The following SCN9A variants were observed in gnomAD, a reference collection of about 807,000 sequenced individuals.
The protein encoded by SCN9A is sodium channel protein type 9 subunit alpha.
In SCN9A, 131 loss-of-function variants were observed where a neutral mutation model predicts 187.0. That is an observed-to-expected ratio of 0.70 (90% CI 0.61 to 0.81). The LOEUF (loss-of-function observed/expected upper bound fraction) is 0.81. SCN9A is among the 30% of genes least tolerant of loss of function. SCN9A has a pLI of 0.00. For missense variants in SCN9A, 2,252 were observed against 2,396.6 expected (o/e 0.94, Z 1.26); for synonymous variants, 809 against 808.6 (o/e 1.00, Z -0.01).
At chr2:166,356,682 A>G (rs995909757) in intron 1 of SCN9A, among the ~76,000 whole-genome samples, 38 of 152,212 alleles carry the variant, frequency 2.5e-4, no homozygotes, top group Non-Finnish European at 1.9e-4. Flanking sequence ...CAGCATGTAT[A>G]CATCTATTCA....
intron 18 of SCN9A, 98 bp downstream of exon 18, chr2:166,251,667 T>TA (rs1696042060): frequency 7.6e-7 from 1 of 1,319,574 alleles, no homozygotes; most frequent in Non-Finnish European, 1.1e-6. Context: ...AATGGAGTCT[T>TA]CTGACTTACC....
chr2:166,338,094 T>C (rs1304244908), intron 1 of SCN9A, among the ~76,000 whole-genome samples: 2 of 152,100 alleles, frequency 1.3e-5, no homozygotes, highest in African/African-American at 2.4e-5. Flanking sequence ...ATTCTCCTTG[T>C]ATGGGAGTCT....
At chr2:166,302,635 A>T (rs1698604264) in intron 7 of SCN9A, 1 of 150,870 alleles carries the variant, frequency 6.6e-6, no homozygotes, top group African/African-American at 2.4e-5. Flanking sequence ...TATATGATTA[A>T]TAGAACTTTA....
intron 24 of SCN9A, among the ~76,000 whole-genome samples, chr2:166,224,903 C>G (rs897305915): frequency 1.3e-5 from 2 of 152,138 alleles, no homozygotes; most frequent in African/African-American, 2.4e-5. Context: ...AATGAGGATA[C>G]TATGTCTTTT....
At chr2:166,290,343 C>T (rs1217688522) in intron 9 of SCN9A, among the ~76,000 whole-genome samples, 1 of 152,070 alleles carries the variant, frequency 6.6e-6, no homozygotes, top group Non-Finnish European at 1.5e-5. Flanking sequence ...TTGATTCCAT[C>T]TCTTTGCTAT....
intron 18 of SCN9A, among the ~76,000 whole-genome samples, chr2:166,245,181 CAA>C (rs1379583631): frequency 6.6e-6 from 1 of 151,752 alleles, no homozygotes; most frequent in African/African-American, 2.4e-5. Context: ...CCTATACATG[CAA>C]AAGTTTGGCA....
intron 9 of SCN9A, 110 bp downstream of exon 9, chr2:166,293,119 TAG>T: frequency 2.2e-6 from 2 of 893,426 alleles, no homozygotes; most frequent in East Asian, 2.7e-5. Flanking sequence ...AATAAGATAA[TAG>T]AGTTTCCTCC....
intron 1 of SCN9A, among the ~76,000 whole-genome samples, chr2:166,357,344 G>A (rs1700174207): frequency 6.6e-6 from 1 of 152,124 alleles, no homozygotes. Context: ...GTTACCTAGT[G>A]TAACGCCTAC....
intron 7 of SCN9A, among the ~76,000 whole-genome samples, chr2:166,295,806 A>C (rs1698274288): frequency 6.6e-6 from 1 of 152,224 alleles, no homozygotes; most frequent in Non-Finnish European, 1.5e-5. Flanking sequence ...TAATCAATGC[A>C]GATTTTCCAT....
intron 1 of SCN9A, among the ~76,000 whole-genome samples, chr2:166,362,852 T>C (rs1335527635): frequency 6.6e-6 from 1 of 152,026 alleles, no homozygotes; most frequent in African/African-American, 2.4e-5. Flanking sequence ...AACTTTTATT[T>C]ACAGACTTCT....
chr2:166,199,285 A>T lies in SCN9A; in HGVS notation c.5354T>A (p.Val1785Asp). Reference sequence around the variant, plus strand: ...CGCATCGGGATCAAACTTCTCCCAAACCTCATAGAACATCTCAAAGTCATC... The same window carrying T: ...CGCATCGGGATCAAACTTCTCCCAATCCTCATAGAACATCTCAAAGTCATC... ...SEDDFEMFYEVWEKFDPDATQ... is the reference protein window; with the variant it reads ...SEDDFEMFYEDWEKFDPDATQ... The change falls in exon 27 of 27, where the codon GTT becomes GAT. Residue 1785 changes from valine to aspartate, a missense_variant. Physicochemically the swap from Val to Asp is radical, Grantham distance 152. Around this residue, in one of 7 missense-constraint regions of SCN9A, gnomAD observed 345 missense variants for 344.6 expected, o/e 1.00. Transcript: ENST00000642356. 1 of 1,614,104 alleles carries T rather than the reference A, an allele frequency of 6.2e-7. No homozygotes were observed. The highest frequency in any genetic ancestry group is 8.5e-7 in the Non-Finnish European group (1 of 1,180,020).
At chr2:166,237,825 C>T (rs1574780032) in intron 20 of SCN9A, among the ~76,000 whole-genome samples, 2 of 152,088 alleles carry the variant, frequency 1.3e-5, no homozygotes, top group East Asian at 1.9e-4. Flanking sequence ...AAAATCACAT[C>T]TCCTTTGCAG....
chr2:166,338,474 C>G (rs1269405740), intron 1 of SCN9A, among the ~76,000 whole-genome samples: 1 of 151,978 alleles, frequency 6.6e-6, no homozygotes, highest in African/African-American at 2.4e-5. Flanking sequence ...CTCTCCATAA[C>G]TTTTATTTGT....
intron 18 of SCN9A, 121 bp from the exon 19 acceptor site, chr2:166,242,777 A>G: frequency 1.6e-6 from 1 of 621,824 alleles, no homozygotes. Context: ...CAACACCTAT[A>G]CTTGCAATTT....
At chr2:166,363,691 T>A (rs1559065148) in intron 1 of SCN9A, among the ~76,000 whole-genome samples, 3 of 151,952 alleles carry the variant, frequency 2.0e-5, no homozygotes, top group Admixed American at 2.0e-4. Context: ...TAGGAATTTT[T>A]AAAAAATCAC....
At chr2:166,337,790 A>T (rs1699665445) in intron 1 of SCN9A, among the ~76,000 whole-genome samples, 1 of 152,160 alleles carries the variant, frequency 6.6e-6, no homozygotes, top group Admixed American at 6.6e-5. Flanking sequence ...TTAACTGTGT[A>T]TCTCAGTTTA....
At chr2:166,349,990 T>A (rs1441021316) in intron 1 of SCN9A, among the ~76,000 whole-genome samples, 6 of 87,962 alleles carry the variant, frequency 6.8e-5, no homozygotes, top group South Asian at 3.3e-4. Context: ...AAATAAAAAA[T>A]AAAAAATAAA....
In SCN9A at chr2:166,335,202, G is replaced by T. The variant is rs958547083; in HGVS notation, c.-50-23396C>A. On this transcript the variant is annotated intron_variant, in intron 1 of 26. Coordinates refer to ENST00000642356, the MANE Select transcript of SCN9A (RefSeq NM_001365536.1). Reference sequence around the variant, plus strand: ...AATTGACCCAGGAATTGAAAAGATTGAATTTGATAATCTCACAGCTTTGTC... The same window carrying T: ...AATTGACCCAGGAATTGAAAAGATTTAATTTGATAATCTCACAGCTTTGTC... Among the ~76,000 whole-genome samples the T allele has an allele frequency of 2.6e-5, 4 of 152,102 alleles. No individual in the cohort carries two copies. The East Asian group carries it at 7.7e-4, about 29-fold the overall frequency.
At chr2:166,207,604 C>A (rs868766799) in intron 24 of SCN9A, among the ~76,000 whole-genome samples, 1 of 152,038 alleles carries the variant, frequency 6.6e-6, no homozygotes, top group African/African-American at 2.4e-5. Flanking sequence ...CCACATCAGG[C>A]TAATTTTTGT....
Sources: allele counts gnomAD v4.1 joint callset (sites outside exome capture counted in the v4.1 genomes callset), GRCh38; gene constraint gnomAD v4.1.1; regional missense constraint gnomAD v4.1.1; transcripts MANE v1.5; gene names NCBI Gene and HGNC (gene_info 2026-07-23, HGNC 2026-07-21).